The following LDLRAD3 variants were observed in gnomAD, a reference collection of about 807,000 sequenced individuals.
The protein encoded by LDLRAD3 is low density lipoprotein receptor class A domain containing 3.
Under a neutral mutation model 29.4 loss-of-function variants are expected in LDLRAD3, and 20 were observed. The observed-to-expected ratio is 0.68, with a 90% confidence interval of 0.48 to 0.99. LDLRAD3 has a LOEUF of 0.99. LDLRAD3 is among the 50% of genes least tolerant of loss of function. LDLRAD3 has a pLI of 0.00. For synonymous variants in LDLRAD3, 157 were observed against 192.7 expected (o/e 0.81, Z 1.53); for missense variants, 420 against 454.3 (o/e 0.92, Z 0.69).
At chr11:36,212,084 C>A (rs111390931) in intron 4 of LDLRAD3, among the ~76,000 whole-genome samples, 6 of 152,292 alleles carry the variant, frequency 3.9e-5, no homozygotes, top group African/African-American at 1.4e-4. Context: ...TTAGAGCCTT[C>A]CTTATTCAGC....
chr11:36,181,206 T>G (rs1340564020), intron 4 of LDLRAD3, among the ~76,000 whole-genome samples: 1 of 147,620 alleles, frequency 6.8e-6, no homozygotes, highest in East Asian at 2.0e-4. Context: ...TAGCTTTCAT[T>G]ACAAAAGTAA....
chr11:36,028,367 G>A (rs890236487), intron 1 of LDLRAD3, among the ~76,000 whole-genome samples: 6 of 152,170 alleles, frequency 3.9e-5, no homozygotes, highest in African/African-American at 7.2e-5. Flanking sequence ...AGTCAACAAC[G>A]GGGCTCATTT....
At chr11:36,076,436 G>C (rs573315106) in intron 2 of LDLRAD3, among the ~76,000 whole-genome samples, 23 of 151,870 alleles carry the variant, frequency 1.5e-4, no homozygotes, top group Admixed American at 5.9e-4. Context: ...GCCCAGGCTG[G>C]AGTGCAGTGG....
intron 1 of LDLRAD3, among the ~76,000 whole-genome samples, chr11:36,017,945 T>C (rs887064075): frequency 6.6e-6 from 1 of 152,236 alleles, no homozygotes; most frequent in Non-Finnish European, 1.5e-5. Flanking sequence ...AGTTTTGGCA[T>C]TCATCAGGTA....
Position 35,944,065 on chromosome 11 carries a change from A to T in LDLRAD3, c.-34A>T. 3 of 1,076,286 alleles carry T rather than the reference A, an allele frequency of 2.8e-6. No individual in the cohort carries two copies. The highest frequency in any genetic ancestry group is 3.4e-6 in the Non-Finnish European group (3 of 888,850). 66.7% of individuals were successfully genotyped at this position (1,076,286 alleles called of 1,614,324 possible). A position where few individuals can be genotyped will look rare whatever the true frequency, so the allele number is the denominator to read the frequency against. On this transcript the variant is annotated 5_prime_UTR_variant, in exon 1 of 6. Coordinates refer to ENST00000315571, the MANE Select transcript of LDLRAD3 (RefSeq NM_174902.4). This position sits in a 1 kb window ranked among gnomAD's most constrained non-coding sequence, Gnocchi z 4.9. The stretch of plus-strand genomic sequence containing the variant: ...TCAGCGCCGAGGCCGCGGGGGCAGC[A>T]ACGACGCCGGGCAGCGGGAGCGGCG...
intron 3 of LDLRAD3, among the ~76,000 whole-genome samples, chr11:36,094,990 C>T (rs539639651): frequency 1.9e-4 from 29 of 151,740 alleles, no homozygotes; most frequent in East Asian, 1.5e-3. Context: ...TTTGAGACCA[C>T]GCTGAGCTTC....
At chr11:36,205,335 G>A (rs558927975) in intron 4 of LDLRAD3, among the ~76,000 whole-genome samples, 12 of 152,242 alleles carry the variant, frequency 7.9e-5, no homozygotes, top group Admixed American at 3.9e-4. Context: ...CTCTTTTCGT[G>A]CTCCCCTCTG....
Position 35,964,707 on chromosome 11 carries a change from C to G in LDLRAD3, c.46+20563C>G, listed in dbSNP as rs146156875. The stretch of plus-strand genomic sequence containing the variant: ...GCTGGGTTTGTAAATTAGGGTTGAG[C>G]CTGGGTGTGGTGGCTCATGCCTGTA... On this transcript the variant is annotated intron_variant, in intron 1 of 5. Coordinates refer to ENST00000315571, the MANE Select transcript of LDLRAD3 (RefSeq NM_174902.4). Among the ~76,000 whole-genome samples, 621 of 152,104 alleles carry G rather than the reference C, an allele frequency of 4.1e-3. 5 individuals are homozygous for G. Among genetic ancestry groups the G allele is most frequent in the Non-Finnish European group, 6.7e-3 (453 of 67,962 alleles).
chr11:36,057,254 G>A (rs1034256766), intron 2 of LDLRAD3, among the ~76,000 whole-genome samples: 5 of 152,174 alleles, frequency 3.3e-5, no homozygotes, highest in Non-Finnish European at 7.3e-5. Flanking sequence ...GTGGATTGAG[G>A]CCAACTTGGG....
intron 4 of LDLRAD3, among the ~76,000 whole-genome samples, chr11:36,217,958 T>G (rs760929846): frequency 6.6e-6 from 1 of 152,228 alleles, no homozygotes; most frequent in Non-Finnish European, 1.5e-5. Flanking sequence ...TAATTATATC[T>G]GCAAAGACCC....
At chr11:36,029,326 C>G (rs1216327004) in intron 1 of LDLRAD3, among the ~76,000 whole-genome samples, 1 of 152,104 alleles carries the variant, frequency 6.6e-6, no homozygotes, top group African/African-American at 2.4e-5. Flanking sequence ...TCAGGTCTTC[C>G]CTAGTGAAAA....
chr11:36,042,991 C>G (rs1852401650), intron 2 of LDLRAD3, among the ~76,000 whole-genome samples: 1 of 148,006 alleles, frequency 6.8e-6, no homozygotes, highest in Non-Finnish European at 1.5e-5. Context: ...ATACGACCAT[C>G]AAACTATCTC....
intron 4 of LDLRAD3, among the ~76,000 whole-genome samples, chr11:36,210,045 C>T (rs1220108863): frequency 6.6e-6 from 1 of 152,222 alleles, no homozygotes; most frequent in Non-Finnish European, 1.5e-5. Context: ...TTGAATCATG[C>T]ATATTTTGCC....
intron 1 of LDLRAD3, among the ~76,000 whole-genome samples, chr11:35,953,061 C>T (rs1012931302): frequency 6.6e-6 from 1 of 152,134 alleles, no homozygotes; most frequent in Admixed American, 6.5e-5. Context: ...GCAGAGTGAA[C>T]CCCAGGATTT....
At chr11:36,102,218 A>G (rs994239223) in intron 4 of LDLRAD3, among the ~76,000 whole-genome samples, 4 of 152,088 alleles carry the variant, frequency 2.6e-5, no homozygotes, top group African/African-American at 7.2e-5. Context: ...ATACTTTTTG[A>G]TGCACTGAGT....
At chr11:35,971,179 C>T (rs577936044) in intron 1 of LDLRAD3, among the ~76,000 whole-genome samples, 16 of 152,232 alleles carry the variant, frequency 1.1e-4, no homozygotes, top group African/African-American at 3.9e-4. Context: ...AACTCCCACC[C>T]CTGCCTACAC....
chr11:36,147,321 T>C (rs1161154186), intron 4 of LDLRAD3, among the ~76,000 whole-genome samples: 2 of 151,840 alleles, frequency 1.3e-5, no homozygotes, highest in East Asian at 3.9e-4. Flanking sequence ...GGTTTCACCA[T>C]GTTAGCCAGG....
At chr11:36,065,462 T>C (rs529532935) in intron 2 of LDLRAD3, among the ~76,000 whole-genome samples, 2 of 152,322 alleles carry the variant, frequency 1.3e-5, no homozygotes, top group East Asian at 3.9e-4. Context: ...AGTTAGCTCA[T>C]AGCTACCAAG....
chr11:36,105,205 T>TTGTGTGTG lies in LDLRAD3; in HGVS notation c.454+6771_454+6778dup, dbSNP rs10565208. ...CTTTGTCCTGTTCCTTCTGCAGAAT[T>TTGTGTGTG]TGTGTGTGTGTGTGTGTGTGTGTGT... On this transcript the variant is annotated intron_variant, in intron 4 of 5. Coordinates refer to ENST00000315571, the MANE Select transcript of LDLRAD3 (RefSeq NM_174902.4). 3.9e-3 allele frequency among the ~76,000 whole-genome samples: 542 copies of TTGTGTGTG among 138,520 alleles called. 3 individuals are homozygous for TTGTGTGTG. The highest frequency in any genetic ancestry group is 0.014 in the African/African-American group (494 of 34,774). The allele number at this position is 138,520 out of a possible 152,430, so 90.9% of individuals were successfully genotyped here. A position where few individuals can be genotyped will look rare whatever the true frequency, so the allele number is the denominator to read the frequency against.
Sources: gnomAD v4.1 joint callset for allele counts (sites outside exome capture counted in the v4.1 genomes callset) on GRCh38, gnomAD v4.1.1 for gene constraint, Gnocchi (gnomAD v3.1) non-coding constraint, MANE v1.5 for transcripts, NCBI Gene and HGNC (gene_info 2026-07-23, HGNC 2026-07-21) for gene names.